TAFA5: variants seen among roughly 807,000 people sequenced by gnomAD.
The protein encoded by TAFA5 is chemokine-like protein TAFA-5.
A neutral mutation model predicts 15.3 loss-of-function variants in TAFA5; 6 were observed. That is an observed-to-expected ratio of 0.39 (90% CI 0.21 to 0.77). The LOEUF (loss-of-function observed/expected upper bound fraction) is 0.77, where lower values mean the gene tolerates loss of function less well. Ranked by LOEUF, TAFA5 falls within the 30% of genes least tolerant of loss-of-function variation. The pLI is 0.41. For synonymous variants in TAFA5, 103 were observed against 80.7 expected, an observed-to-expected ratio of 1.28 and a Z score of -1.48; for missense variants, 161 against 193.1, an observed-to-expected ratio of 0.83 and a Z score of 0.98.
At chr22:48,689,504 C>G (rs761029593) in intron 2 of TAFA5, among the ~76,000 whole-genome samples, 1 of 152,186 alleles carries the variant, frequency 6.6e-6, no homozygotes, top group Non-Finnish European at 1.5e-5. Context: ...GCCTGAGGAA[C>G]CTGCGCAGAC....
intron 3 of TAFA5, among the ~76,000 whole-genome samples, chr22:48,716,820 CAG>C (rs34081306): frequency 0.063 from 9,520 of 152,168 alleles, 355 homozygotes; most frequent in Admixed American, 0.095. Context: ...TGTGTAGCAG[CAG>C]AGTGTATTAC....
At chr22:48,527,736 G>C (rs1921828652) in intron 1 of TAFA5, among the ~76,000 whole-genome samples, 1 of 152,236 alleles carries the variant, frequency 6.6e-6, no homozygotes, top group Non-Finnish European at 1.5e-5. Flanking sequence ...CCCTAGCTCA[G>C]ACCCTTCCTG....
intron 1 of TAFA5, among the ~76,000 whole-genome samples, chr22:48,542,335 TGTGTGTGTG>T (rs1054274076): frequency 4.0e-5 from 5 of 124,000 alleles, no homozygotes; most frequent in Admixed American, 2.5e-4. Context: ...ATGTGTGTGG[TGTGTGTGTG>T]GTGTGTGTGC....
At chr22:48,513,745 C>T (rs893920655) in intron 1 of TAFA5, among the ~76,000 whole-genome samples, 1 of 152,198 alleles carries the variant, frequency 6.6e-6, no homozygotes, top group African/African-American at 2.4e-5. Context: ...TGGGGGCAGT[C>T]CCAGTGAGGG....
At chr22:48,551,773 T>C (rs1204915798) in intron 1 of TAFA5, among the ~76,000 whole-genome samples, 1 of 152,014 alleles carries the variant, frequency 6.6e-6, no homozygotes. Flanking sequence ...TTCTCTCGCC[T>C]CCCCAAAGAC....
chr22:48,565,576 T>C (rs976736603), intron 1 of TAFA5, among the ~76,000 whole-genome samples: 3 of 152,190 alleles, frequency 2.0e-5, no homozygotes, highest in African/African-American at 7.2e-5. Flanking sequence ...CATTGAAGGC[T>C]TTTAGGGCAT....
intron 1 of TAFA5, among the ~76,000 whole-genome samples, chr22:48,502,852 CTT>C (rs1920960753): frequency 6.6e-6 from 1 of 152,228 alleles, no homozygotes; most frequent in East Asian, 1.9e-4. Flanking sequence ...CGAAAAGACA[CTT>C]TTGCTGTGCT....
At chr22:48,603,721 AGAG>A (rs1255794828) in intron 1 of TAFA5, among the ~76,000 whole-genome samples, 1 of 152,132 alleles carries the variant, frequency 6.6e-6, no homozygotes, top group African/African-American at 2.4e-5. Flanking sequence ...TACATTCTGG[AGAG>A]GAGGTTTTGC....
At chr22:48,581,962 C>G (rs1413345111) in intron 1 of TAFA5, among the ~76,000 whole-genome samples, 1 of 152,114 alleles carries the variant, frequency 6.6e-6, no homozygotes, top group African/African-American at 2.4e-5. Flanking sequence ...GAGCGAAGCA[C>G]GCAGCTGTGG....
At chr22:48,625,917 C>CGGAA (rs1926011471) in intron 1 of TAFA5, among the ~76,000 whole-genome samples, 3 of 152,200 alleles carry the variant, frequency 2.0e-5, no homozygotes, top group Non-Finnish European at 4.4e-5. Context: ...TTTATCTTTT[C>CGGAA]CAGAGTGTCA....
At chr22:48,567,868 A>G (rs1012137740) in intron 1 of TAFA5, among the ~76,000 whole-genome samples, 7 of 152,180 alleles carry the variant, frequency 4.6e-5, no homozygotes, top group African/African-American at 1.7e-4. Context: ...GCTGAGGCTC[A>G]GCCCATGCAA....
At chr22:48,668,386 G>A in intron 2 of TAFA5, among the ~76,000 whole-genome samples, 1 of 34,628 alleles carries the variant, frequency 2.9e-5, no homozygotes. Flanking sequence ...TCTTCACTGG[G>A]AGCTGTAATC....
At chr22:48,491,472 T>G (rs1287623104) in intron 1 of TAFA5, among the ~76,000 whole-genome samples, 1 of 152,182 alleles carries the variant, frequency 6.6e-6, no homozygotes, top group African/African-American at 2.4e-5. Flanking sequence ...GGCCCATCCC[T>G]GGCTGGCTGC....
Position 48,538,908 on chromosome 22 carries a change from A to G in TAFA5, c.112+49204A>G, listed in dbSNP as rs139539536. 50 of 162,522 alleles carry G rather than the reference A, an allele frequency of 3.1e-4. No homozygotes were observed. The East Asian group carries it at 8.1e-3, about 26-fold the overall frequency. The allele number at this position is 162,522 out of a possible 1,614,324, so 10.1% of individuals were successfully genotyped here. On this transcript the variant is annotated intron_variant, in intron 1 of 3. Transcript: ENST00000402357. ...CAGGCAGGTGAATCGTGTCATGTTTATATCTGCATTTTACTGTGACTTTTC... is the reference window on the plus strand; with the variant it reads ...CAGGCAGGTGAATCGTGTCATGTTTGTATCTGCATTTTACTGTGACTTTTC...
At chr22:48,585,412 TACAC>T (rs765598795) in intron 1 of TAFA5, among the ~76,000 whole-genome samples, 15 of 115,176 alleles carry the variant, frequency 1.3e-4, no homozygotes, top group South Asian at 5.5e-4. Flanking sequence ...ACACACCACA[TACAC>T]ACACACAACA....
At position 48,562,428 on chromosome 22, in the gene TAFA5, G is replaced by A. The variant is rs192022945; in HGVS notation, c.112+72724G>A. 2.8e-3 allele frequency among the ~76,000 whole-genome samples: 428 copies of A among 152,264 alleles called. 2 individuals are homozygous for A. Among genetic ancestry groups the A allele is most frequent in the African/African-American group, 9.5e-3 (395 of 41,562 alleles). On this transcript the variant is annotated intron_variant, in intron 1 of 3. Transcript: ENST00000402357. ...GCTGGGATTACAGGCGTGAGCCACCGCGCCCGGCCCCGCGGAGCCTTTCTA... is the reference window on the plus strand; with the variant it reads ...GCTGGGATTACAGGCGTGAGCCACCACGCCCGGCCCCGCGGAGCCTTTCTA...
intron 2 of TAFA5, among the ~76,000 whole-genome samples, chr22:48,707,077 TC>T (rs1929101032): frequency 6.6e-6 from 1 of 151,982 alleles, no homozygotes; most frequent in Non-Finnish European, 1.5e-5. Context: ...CCAAGGGCCA[TC>T]ACAAGGACTC....
chr22:48,548,121 G>T (rs916705129), intron 1 of TAFA5, among the ~76,000 whole-genome samples: 1 of 152,174 alleles, frequency 6.6e-6, no homozygotes, highest in Non-Finnish European at 1.5e-5. Context: ...AGCTTCAGGC[G>T]CAGGAGGCCC....
At chr22:48,670,418 C>A (rs1927765381) in intron 2 of TAFA5, among the ~76,000 whole-genome samples, 2 of 152,256 alleles carry the variant, frequency 1.3e-5, no homozygotes, top group South Asian at 4.1e-4. Context: ...GAAGGCCAGG[C>A]CTGGTGGGCA....
Sources: allele counts gnomAD v4.1 joint callset (sites outside exome capture counted in the v4.1 genomes callset), GRCh38; gene constraint gnomAD v4.1.1; transcripts MANE v1.5; gene names NCBI Gene and HGNC (gene_info 2026-07-23, HGNC 2026-07-21).